Variants in UTP18 observed in about 807,000 individuals in gnomAD.
The protein encoded by UTP18 is U3 small nucleolar RNA-associated protein 18 homolog.
Under a neutral mutation model 61.1 loss-of-function variants are expected in UTP18, and 36 were observed. That is an observed-to-expected ratio of 0.59 (90% confidence interval 0.45 to 0.78). UTP18 has a LOEUF of 0.78. Among genes scored for constraint, UTP18 ranks in the 30% least tolerant of loss-of-function variants. The pLI, the probability that UTP18 is intolerant of heterozygous loss-of-function variation, is 0.00. For synonymous variants in UTP18, 282 were observed against 251.1 expected (o/e 1.12, Z -1.16); for missense variants, 753 against 693.9 (o/e 1.09, Z -0.96).
chr17:51,292,000 A>G (rs1032468134), intron 11 of UTP18, among the ~76,000 whole-genome samples: 2 of 152,150 alleles, frequency 1.3e-5, no homozygotes, highest in South Asian at 4.1e-4. Flanking sequence ...GATGCTTTGG[A>G]TCATCTGTTC....
intron 1 of UTP18, among the ~76,000 whole-genome samples, chr17:51,261,899 A>G (rs1010197322): frequency 1.3e-5 from 2 of 152,070 alleles, no homozygotes; most frequent in African/African-American, 4.8e-5. Flanking sequence ...GTACAGAACT[A>G]TTACTGGAAA....
chr17:51,263,525 A>T (rs2055529360), intron 2 of UTP18, 139 bp downstream of exon 2: 2 of 686,970 alleles, frequency 2.9e-6, no homozygotes, highest in South Asian at 3.8e-5. Flanking sequence ...AAGATCTTTC[A>T]TGGTTCCTGA....
intron 1 of UTP18, among the ~76,000 whole-genome samples, chr17:51,262,832 A>G (rs2055520748): frequency 6.6e-6 from 1 of 152,200 alleles, no homozygotes; most frequent in South Asian, 2.1e-4. Context: ...GATTACAGGC[A>G]TGAGGCATTG....
chr17:51,282,850 T>TTCG (rs1904985948), intron 9 of UTP18, among the ~76,000 whole-genome samples: 2 of 107,096 alleles, frequency 1.9e-5, no homozygotes, highest in Non-Finnish European at 3.6e-5. Flanking sequence ...CTTCCTCCTT[T>TTCG]TCTTCTTCTT....
At chr17:51,261,712 A>G (rs887531627) in intron 1 of UTP18, among the ~76,000 whole-genome samples, 1 of 152,104 alleles carries the variant, frequency 6.6e-6, no homozygotes, top group Non-Finnish European at 1.5e-5. Flanking sequence ...CATTCGGGAA[A>G]GGGAGATGGG....
chr17:51,291,010 G>A (rs1242709462), intron 11 of UTP18, among the ~76,000 whole-genome samples: 1 of 152,180 alleles, frequency 6.6e-6, no homozygotes, highest in Non-Finnish European at 1.5e-5. Context: ...ATAGTAGAAC[G>A]TCATGGAACT....
At chr17:51,273,587 C>A in intron 5 of UTP18, 137 bp downstream of exon 5, 4 of 532,500 alleles carry the variant, frequency 7.5e-6, no homozygotes, top group East Asian at 3.5e-5. Context: ...CTGGTAAATA[C>A]TTATGTTATT....
intron 3 of UTP18, among the ~76,000 whole-genome samples, chr17:51,268,089 A>G (rs1336141944): frequency 6.8e-6 from 1 of 146,936 alleles, no homozygotes. Context: ...GGCTCACTGC[A>G]AGCTCTGCCT....
intron 10 of UTP18, 89 bp from the exon 11 acceptor site, chr17:51,287,940 C>A: frequency 1.0e-6 from 1 of 986,356 alleles, no homozygotes; most frequent in Non-Finnish European, 1.4e-6. Context: ...CTGTAAATAC[C>A]AGTTTGTGGG....
At chr17:51,262,610 CTT>C (rs201744084) in intron 1 of UTP18, among the ~76,000 whole-genome samples, 1 of 152,130 alleles carries the variant, frequency 6.6e-6, no homozygotes, top group African/African-American at 2.4e-5. Flanking sequence ...TCTCCGAACA[CTT>C]TAAACTCAGA....
chr17:51,273,598 G>GTTTT, intron 5 of UTP18, 148 bp downstream of exon 5: 16 of 399,400 alleles, frequency 4.0e-5, no homozygotes, highest in South Asian at 5.2e-5. Context: ...TTATGTTATT[G>GTTTT]TTTTTTTTTT....
At chr17:51,290,760 G>A (rs1043691359) in intron 11 of UTP18, among the ~76,000 whole-genome samples, 1 of 152,140 alleles carries the variant, frequency 6.6e-6, no homozygotes, top group African/African-American at 2.4e-5. Flanking sequence ...GAATTCATTA[G>A]TAAAAGCCAA....
In UTP18 at chr17:51,288,193, C is replaced by T; in HGVS notation, c.1493C>T (p.Ala498Val). The T allele has an allele frequency of 1.3e-6, 2 of 1,583,926 alleles. No individual in the cohort carries two copies. Among genetic ancestry groups the T allele is most frequent in the Admixed American group, 2.0e-5 (1 of 50,866 alleles). ...ATTGCTTCAGAAAAAATGAAAGAAG[C>T]AGTCAGATTGGTAAATATTTCATTA... ...LAIASEKMKE[A>V]VRLVHLPSCT... Residue 498 changes from alanine (A) to valine (V), a missense_variant, in exon 11 of 14, where the codon GCA becomes GTA. Transcript: ENST00000225298.
rs757971997 is a variant in UTP18, at chr17:51,277,135, T to G, written c.843T>G (p.Asp281Glu). The change falls in exon 7 of 14, where the codon GAT (aspartate) becomes GAG (glutamate). Residue 281 changes from aspartate to glutamate, a missense_variant. Physicochemically the swap from Asp to Glu is conservative, Grantham distance 45. Transcript: ENST00000225298. The stretch of plus-strand genomic sequence containing the variant: ...CATTTTGTACTTCTTTATAGGTTGA[T>G]GGGAAAACAAATCCTAAAATTCAGA... ...LDNAVSLFQV[D>E]GKTNPKIQSI... 6 of 1,613,868 alleles carry G rather than the reference T, an allele frequency of 3.7e-6. No homozygotes were observed. Among genetic ancestry groups the G allele is most frequent in the Non-Finnish European group, 4.2e-6 (5 of 1,179,924 alleles).
At chr17:51,275,334 T>G (rs927237822) in intron 5 of UTP18, among the ~76,000 whole-genome samples, 5 of 152,114 alleles carry the variant, frequency 3.3e-5, no homozygotes, top group Non-Finnish European at 7.3e-5. Context: ...AACAAAATAG[T>G]CCAGGTGATG....
chr17:51,296,380 A>C (rs1352969826), intron 12 of UTP18: 1 of 152,204 alleles, frequency 6.6e-6, no homozygotes. Flanking sequence ...TTTTGAGGAA[A>C]TAGTTGTGAA....
chr17:51,268,183 G>A (rs62060088), intron 3 of UTP18, among the ~76,000 whole-genome samples: 25,006 of 151,652 alleles, frequency 0.16, 2,337 homozygotes, highest in Admixed American at 0.24. Context: ...CTGCCAACAC[G>A]CCCAGCTAAT....
At chr17:51,275,227 A>G (rs907381292) in intron 5 of UTP18, among the ~76,000 whole-genome samples, 16 of 89,242 alleles carry the variant, frequency 1.8e-4, no homozygotes, top group African/African-American at 9.8e-4. Flanking sequence ...TGTAGTTACC[A>G]TAAAAATTTA....
rs1248140681 is a variant in UTP18 at position 51,277,119 on chromosome 17, C to A, written c.838-11C>A. On this transcript the variant is annotated splice_polypyrimidine_tract_variant and intron_variant, in intron 6 of 13. Coordinates refer to ENST00000225298, the MANE Select transcript of UTP18 (RefSeq NM_016001.3). ...AAATAATCAAAAGAACCATTTTGTA[C>A]TTCTTTATAGGTTGATGGGAAAACA... The A allele has an allele frequency of 3.1e-6, 5 of 1,611,544 alleles. No individual in the cohort carries two copies. In the African/African-American group the frequency reaches 6.7e-5, roughly 22 times the overall value.
Sources: gnomAD v4.1 joint callset for allele counts (sites outside exome capture counted in the v4.1 genomes callset) on GRCh38, gnomAD v4.1.1 for gene constraint, MANE v1.5 for transcripts, NCBI Gene and HGNC (gene_info 2026-07-23, HGNC 2026-07-21) for gene names.